Variants in RASGEF1C observed in about 807,000 individuals in gnomAD.
RASGEF1C encodes the protein ras-GEF domain-containing family member 1C.
A neutral mutation model predicts 58.1 loss-of-function variants in RASGEF1C; 27 were observed. The observed-to-expected ratio is 0.46, with a 90% CI of 0.34 to 0.64. The LOEUF (loss-of-function observed/expected upper bound fraction) is 0.64, where lower values mean the gene tolerates loss of function less well. Ranked by LOEUF, RASGEF1C falls within the 30% of genes least tolerant of loss-of-function variation. RASGEF1C has a pLI of 0.01. For synonymous variants in RASGEF1C, 243 were observed against 246.3 expected (o/e 0.99, Z 0.13); for missense variants, 502 against 605.1 (o/e 0.83, Z 1.79).
rs569526993 is a variant in RASGEF1C at position 180,175,229 on chromosome 5, C to T, written c.-7+33799G>A. On this transcript the variant is annotated intron_variant, in intron 1 of 13. Transcript: ENST00000361132. ...CTGGCCTAGCCTCTGGGGTTGGAGC[C>T]CCCCCAGCGCCGGGGAAAGGCGTTT... 1.2e-3 allele frequency among the ~76,000 whole-genome samples: 189 copies of T among 152,266 alleles called. 1 individual carries two copies. The highest frequency in any genetic ancestry group is 4.2e-3 in the African/African-American group (174 of 41,554).
rs1181348368 is a variant in RASGEF1C, at chr5:180,198,832, C to G, written c.-7+10196G>C. Among the ~76,000 whole-genome samples, 1 of 152,114 alleles carries G rather than the reference C, an allele frequency of 6.6e-6. No individual in the cohort carries two copies. The highest frequency in any genetic ancestry group is 2.4e-5 in the African/African-American group (1 of 41,428). On this transcript the variant is annotated intron_variant, in intron 1 of 13. Coordinates refer to ENST00000361132, the MANE Select transcript of RASGEF1C (RefSeq NM_175062.4). This position sits in a 1 kb window ranked among gnomAD's most constrained non-coding sequence, Gnocchi z 4.5. ...TGCTTCTGGGATCCTTTAGGGGGTC[C>G]TGCATGAAATGAGCCTGGCAAGGAC...
At position 180,138,343 on chromosome 5, in the gene RASGEF1C, T is replaced by TC. The variant is rs1053953569; in HGVS notation, c.-6-286dup. On this transcript the variant is annotated intron_variant, in intron 1 of 13. Transcript: ENST00000361132. ...CAGGGGCAGGCCTCTTCTAGATTCT[T>TC]CCCCCCGGCACCCCTCCACGAAGGT... 12 of 323,434 alleles carry TC rather than the reference T, an allele frequency of 3.7e-5. No homozygotes were observed. The East Asian group carries it at 4.3e-4, about 11-fold the overall frequency. 20.0% of individuals were successfully genotyped at this position (323,434 alleles called of 1,614,324 possible). A position where few individuals can be genotyped will look rare whatever the true frequency, so the allele number is the denominator to read the frequency against.
intron 1 of RASGEF1C, among the ~76,000 whole-genome samples, chr5:180,189,699 A>G (rs1259251775): frequency 1.3e-5 from 2 of 152,114 alleles, no homozygotes; most frequent in African/African-American, 4.8e-5. Flanking sequence ...AGGCAGGTGG[A>G]TCACCTGAGG....
intron 10 of RASGEF1C, among the ~76,000 whole-genome samples, chr5:180,116,138 G>A (rs1582263535): frequency 6.6e-6 from 1 of 152,168 alleles, no homozygotes; most frequent in East Asian, 1.9e-4. Context: ...CCATGGCCAC[G>A]CCACTCAAGG....
intron 1 of RASGEF1C, among the ~76,000 whole-genome samples, chr5:180,149,434 C>T (rs1443450924): frequency 6.6e-6 from 1 of 150,844 alleles, no homozygotes; most frequent in Non-Finnish European, 1.5e-5. Flanking sequence ...GATAATCTTA[C>T]TGAGGATCAG....
rs1447117521 is a variant in RASGEF1C at position 180,101,144 on chromosome 5, CAT to C, written c.*355_*356del. ...ACTGTGGGTGGTGGCCAAAGTGGCA[CAT>C]GTCACCAAGCAAGGTCTCGAGCTTG... On this transcript the variant is annotated 3_prime_UTR_variant, in exon 14 of 14. Coordinates refer to ENST00000361132, the MANE Select transcript of RASGEF1C (RefSeq NM_175062.4). 2 of 282,836 alleles carry C rather than the reference CAT, an allele frequency of 7.1e-6. No homozygotes were observed. The highest frequency in any genetic ancestry group is 4.8e-5 in the Admixed American group (1 of 20,956). 17.5% of individuals were successfully genotyped at this position (282,836 alleles called of 1,614,324 possible). A position where few individuals can be genotyped will look rare whatever the true frequency, so the allele number is the denominator to read the frequency against.
intron 7 of RASGEF1C, among the ~76,000 whole-genome samples, chr5:180,120,510 A>G (rs576389107): frequency 9.2e-5 from 14 of 151,978 alleles, no homozygotes; most frequent in Non-Finnish European, 1.9e-4. Context: ...TCAAGGTGAG[A>G]GAGTGGGTTC....
intron 8 of RASGEF1C, 90 bp downstream of exon 8, chr5:180,119,256 T>C (rs1192688239): frequency 1.6e-5 from 18 of 1,100,104 alleles, no homozygotes; most frequent in Non-Finnish European, 2.5e-5. Context: ...AGGAGAGCCC[T>C]GGCTTGCACT....
chr5:180,200,307 A>ATTTT (rs1402514785), intron 1 of RASGEF1C, among the ~76,000 whole-genome samples: 2 of 24,854 alleles, frequency 8.0e-5, no homozygotes, highest in African/African-American at 2.0e-4. Context: ...AGAGTACATC[A>ATTTT]TTCTTTTTTT....
chr5:180,207,598 C>T (rs1314981285), intron 1 of RASGEF1C, among the ~76,000 whole-genome samples: 1 of 152,194 alleles, frequency 6.6e-6, no homozygotes, highest in African/African-American at 2.4e-5. Flanking sequence ...CTCGCCAGTC[C>T]CGCCCTGGGC....
At chr5:180,124,857 T>C (rs1766229265) in intron 6 of RASGEF1C, among the ~76,000 whole-genome samples, 1 of 148,614 alleles carries the variant, frequency 6.7e-6, no homozygotes, top group Non-Finnish European at 1.5e-5. Context: ...CTAGGCCAGG[T>C]GAGGTGGCTC....
chr5:180,119,535 C>A, intron 7 of RASGEF1C, 87 bp from the exon 8 acceptor site: 1 of 974,040 alleles, frequency 1.0e-6, no homozygotes, highest in Non-Finnish European at 1.6e-6. Context: ...CCCGCTTCAC[C>A]TTCTCTAAAC....
At chr5:180,118,153 C>T (rs568221530) in intron 10 of RASGEF1C, among the ~76,000 whole-genome samples, 3 of 152,210 alleles carry the variant, frequency 2.0e-5, no homozygotes, top group East Asian at 1.9e-4. Context: ...GTGTACCTGG[C>T]ACCTCAATTT....
At chr5:180,167,442 T>A (rs1016098289) in intron 1 of RASGEF1C, among the ~76,000 whole-genome samples, 2 of 152,132 alleles carry the variant, frequency 1.3e-5, no homozygotes, top group Non-Finnish European at 2.9e-5. Flanking sequence ...TGAGCCAAGA[T>A]TGCGCCACTG....
intron 7 of RASGEF1C, among the ~76,000 whole-genome samples, chr5:180,119,873 T>G (rs1038296302): frequency 1.3e-5 from 2 of 152,128 alleles, no homozygotes; most frequent in Non-Finnish European, 2.9e-5. Context: ...GCCCCTCCGC[T>G]CTCTCCATCT....
At chr5:180,201,648 C>G (rs1015052327) in intron 1 of RASGEF1C, among the ~76,000 whole-genome samples, 3 of 152,208 alleles carry the variant, frequency 2.0e-5, no homozygotes, top group African/African-American at 4.8e-5. Context: ...ACTTGAATTA[C>G]CTAATGCTAT....
At chr5:180,204,411 G>A (rs891186807) in intron 1 of RASGEF1C, among the ~76,000 whole-genome samples, 1 of 152,138 alleles carries the variant, frequency 6.6e-6, no homozygotes, top group African/African-American at 2.4e-5. Flanking sequence ...TGCAAAGATG[G>A]CCTAGTGTTA....
At chr5:180,195,623 G>A (rs577932552) in intron 1 of RASGEF1C, among the ~76,000 whole-genome samples, 3 of 152,046 alleles carry the variant, frequency 2.0e-5, no homozygotes, top group East Asian at 1.9e-4. Flanking sequence ...TTAGCTGGGC[G>A]CGGTGGCGGG....
chr5:180,109,383 G>A (rs902590912), intron 12 of RASGEF1C, among the ~76,000 whole-genome samples: 10 of 152,218 alleles, frequency 6.6e-5, no homozygotes, highest in African/African-American at 9.6e-5. Context: ...TCGTGAACCC[G>A]GGAGGCGGAG....
Sources: gnomAD v4.1 joint callset for allele counts (sites outside exome capture counted in the v4.1 genomes callset) on GRCh38, gnomAD v4.1.1 for gene constraint, Gnocchi (gnomAD v3.1) non-coding constraint, MANE v1.5 for transcripts, NCBI Gene and HGNC (gene_info 2026-07-23, HGNC 2026-07-21) for gene names.